PHEX: variants seen among roughly 807,000 people sequenced by gnomAD.
PHEX encodes phosphate regulating endopeptidase X-linked.
PHEX carries 16 observed loss-of-function variants against 68.0 expected under a neutral mutation model. The observed-to-expected ratio is 0.24, with a 90% confidence interval of 0.16 to 0.36. The LOEUF (loss-of-function observed/expected upper bound fraction) is 0.36, where lower values mean the gene tolerates loss of function less well. Among genes scored for constraint, PHEX ranks in the 10% least tolerant of loss-of-function variants. The pLI is 1.00. For synonymous variants in PHEX, 208 were observed against 205.1 expected, an observed-to-expected ratio of 1.01 and a Z score of -0.12; for missense variants, 480 against 575.5, an observed-to-expected ratio of 0.83 and a Z score of 1.70.
intron 14 of PHEX, among the ~76,000 whole-genome samples, chrX:22,179,896 AATTT>A (rs1302278104): frequency 5.0e-4 from 55 of 110,036 alleles, no homozygotes; most frequent in African/African-American, 1.7e-3. Context: ...TAAATTAATT[AATTT>A]TTTTTTACAG....
intron 14 of PHEX, among the ~76,000 whole-genome samples, chrX:22,186,645 G>A (rs1364031248): frequency 8.9e-6 from 1 of 112,271 alleles, no homozygotes; most frequent in Non-Finnish European, 1.9e-5. Context: ...TCAGCTCTGG[G>A]TATTATCAAG....
At chrX:22,222,647 G>A (rs1046379540) in intron 18 of PHEX, among the ~76,000 whole-genome samples, 1 of 111,504 alleles carries the variant, frequency 9.0e-6, no homozygotes, top group African/African-American at 3.3e-5. Flanking sequence ...AAAGATTTTT[G>A]GGTTAAAAAC....
chrX:22,218,827 C>T (rs1323176093), intron 16 of PHEX, among the ~76,000 whole-genome samples: 1 of 111,921 alleles, frequency 8.9e-6, no homozygotes, highest in African/African-American at 3.2e-5. Context: ...GTAATAATGA[C>T]AATGTTTGTT....
chrX:22,134,452 G>A (rs112128251), intron 12 of PHEX, among the ~76,000 whole-genome samples: 6,312 of 111,932 alleles, frequency 0.056, 159 homozygotes, highest in African/African-American at 0.065. Context: ...AATTAGTCGG[G>A]TGTGGTGGCA....
chrX:22,113,926 TTTC>T (rs1168343321), intron 10 of PHEX, among the ~76,000 whole-genome samples: 1 of 107,144 alleles, frequency 9.3e-6, no homozygotes, highest in Non-Finnish European at 1.9e-5. Context: ...GTTAAATCAC[TTTC>T]TTTTCTTCTT....
At chrX:22,192,720 G>C (rs946018998) in intron 15 of PHEX, among the ~76,000 whole-genome samples, 2 of 111,541 alleles carry the variant, frequency 1.8e-5, no homozygotes, top group Admixed American at 1.9e-4. Flanking sequence ...TTATTCAAAG[G>C]CCAGGCCACC....
In PHEX at chrX:22,119,579, C is replaced by G. The variant is rs147226863; in HGVS notation, c.1302+4993C>G. Among the ~76,000 whole-genome samples, 295 of 108,187 alleles carry G rather than the reference C, an allele frequency of 2.7e-3. 2 individuals are homozygous for G. Among genetic ancestry groups the G allele is most frequent in the African/African-American group, 9.4e-3 (281 of 29,772 alleles). The allele number at this position is 108,187 out of a possible 115,157, so 93.9% of individuals were successfully genotyped here. On this transcript the variant is annotated intron_variant, in intron 11 of 21. Transcript: ENST00000379374. ...TTATTTATTTTTATTTTTTAATACTCTTGTCTTTTTCTTTTTCTTTTTTTT... is the reference window on the plus strand; with the variant it reads ...TTATTTATTTTTATTTTTTAATACTGTTGTCTTTTTCTTTTTCTTTTTTTT...
chrX:22,233,936 C>A (rs1935863453), intron 20 of PHEX, among the ~76,000 whole-genome samples: 1 of 112,190 alleles, frequency 8.9e-6, no homozygotes, highest in Admixed American at 9.4e-5. Flanking sequence ...TGGTTTCTCC[C>A]CATCTTTGTG....
In PHEX at chrX:22,032,969, G is replaced by C; in HGVS notation, c.-37G>C. 9.2e-7 allele frequency: 1 copy of C among 1,084,306 alleles called. No homozygotes were observed. Among genetic ancestry groups the C allele is most frequent in the Non-Finnish European group, 1.3e-6 (1 of 779,473 alleles). The allele number at this position is 1,084,306 out of a possible 1,213,427, so 89.4% of individuals were successfully genotyped here. ...GAGACCAGCCACCAAACCACGAAAA[G>C]TGACTTTCTTCTCGTGTGCTCTCTA... On this transcript the variant is annotated 5_prime_UTR_variant, in exon 1 of 22. Transcript: ENST00000379374.
rs1931151760 is a variant in PHEX at position 22,114,590 on chromosome X, A to C, written c.1302+4A>C. On this transcript the variant is annotated splice_donor_region_variant and intron_variant, in intron 11 of 21. Transcript: ENST00000379374. ...CCAGGAAGATAAGAAGGAAATGGTA[A>C]GTGGTACTCCCCAGCTAGCAAAAAA... 3 of 1,201,372 alleles carry C rather than the reference A, an allele frequency of 2.5e-6. No individual in the cohort carries two copies. The highest frequency in any genetic ancestry group is 3.4e-6 in the Non-Finnish European group (3 of 887,456).
chrX:22,199,555 A>G (rs968610833), intron 15 of PHEX, among the ~76,000 whole-genome samples: 3 of 111,605 alleles, frequency 2.7e-5, no homozygotes, highest in African/African-American at 9.8e-5. Flanking sequence ...TGGGACGTGA[A>G]TCATCTCTTT....
intron 17 of PHEX, 122 bp downstream of exon 17, chrX:22,219,225 T>TC: frequency 3.7e-6 from 2 of 538,159 alleles, no homozygotes; most frequent in Non-Finnish European, 6.4e-6. Context: ...TCCAAAGCAA[T>TC]ATGATTGCTG....
At chrX:22,041,460 T>G (rs1039569701) in intron 2 of PHEX, among the ~76,000 whole-genome samples, 1 of 108,797 alleles carries the variant, frequency 9.2e-6, no homozygotes, top group Non-Finnish European at 1.9e-5. Flanking sequence ...CCTGAGTTAG[T>G]AGCAGAGCTG....
At chrX:22,147,560 T>C (rs904123155) in intron 12 of PHEX, among the ~76,000 whole-genome samples, 4 of 109,977 alleles carry the variant, frequency 3.6e-5, no homozygotes, top group Non-Finnish European at 7.6e-5. Context: ...TTGTCATTTT[T>C]GAGACCCTAG....
chrX:22,055,290 A>G (rs756351221), intron 3 of PHEX, among the ~76,000 whole-genome samples: 42 of 108,553 alleles, frequency 3.9e-4, no homozygotes, highest in Non-Finnish European at 5.7e-4. Context: ...GGATATCCCA[A>G]TTACCCAGAT....
At chrX:22,078,263 A>G (rs1175149596) in intron 5 of PHEX, among the ~76,000 whole-genome samples, 2 of 112,143 alleles carry the variant, frequency 1.8e-5, no homozygotes, top group African/African-American at 6.5e-5. Context: ...CCATAAAGCA[A>G]TGGGCCACAT....
At chrX:22,212,478 T>G (rs1934960005) in intron 15 of PHEX, among the ~76,000 whole-genome samples, 1 of 111,699 alleles carries the variant, frequency 9.0e-6, no homozygotes, top group African/African-American at 3.3e-5. Flanking sequence ...ATAAAAATCA[T>G]TAAGAATTTC....
chrX:22,088,899 T>C (rs1164398447), intron 5 of PHEX, among the ~76,000 whole-genome samples: 6 of 112,606 alleles, frequency 5.3e-5, no homozygotes, highest in South Asian at 7.3e-4. Context: ...TTTTTCCCAA[T>C]ATTTTTTCCA....
At chrX:22,055,216 C>T (rs765345184) in intron 3 of PHEX, among the ~76,000 whole-genome samples, 1 of 41,109 alleles carries the variant, frequency 2.4e-5, no homozygotes. Context: ...AAAAAAAAAA[C>T]AGACCTAGTG....
Sources: gnomAD v4.1 joint callset for allele counts (sites outside exome capture counted in the v4.1 genomes callset) on GRCh38, gnomAD v4.1.1 for gene constraint, MANE v1.5 for transcripts, NCBI Gene and HGNC (gene_info 2026-07-23, HGNC 2026-07-21) for gene names.